SYT1: variants seen among roughly 807,000 people sequenced by gnomAD.
The protein encoded by SYT1 is synaptotagmin 1, also known as synaptotagmin-1.
A neutral mutation model predicts 44.8 loss-of-function variants in SYT1; 8 were observed. The observed-to-expected ratio is 0.18, with a 90% confidence interval of 0.10 to 0.32. The LOEUF (loss-of-function observed/expected upper bound fraction) is 0.32. Among genes scored for constraint, SYT1 ranks in the 10% least tolerant of loss-of-function variants. The pLI is 1.00. For missense variants in SYT1, 286 were observed against 509.3 expected, an observed-to-expected ratio of 0.56 and a Z score of 4.22; for synonymous variants, 154 against 188.8, an observed-to-expected ratio of 0.82 and a Z score of 1.51.
chr12:79,423,791 A>G (rs1869264445), intron 9 of SYT1, among the ~76,000 whole-genome samples: 1 of 151,836 alleles, frequency 6.6e-6, no homozygotes, highest in South Asian at 2.1e-4. Flanking sequence ...TCTCCTAAAT[A>G]TGCCGAACAC....
chr12:79,413,807 G>A (rs1351852790), intron 9 of SYT1, among the ~76,000 whole-genome samples: 13 of 152,002 alleles, frequency 8.6e-5, no homozygotes, highest in Admixed American at 8.5e-4. Context: ...CAAAACTTCA[G>A]GTAATTGCAT....
intron 3 of SYT1, among the ~76,000 whole-genome samples, chr12:79,154,152 C>T (rs1689641841): frequency 6.6e-6 from 1 of 152,050 alleles, no homozygotes; most frequent in Admixed American, 6.6e-5. Context: ...GGTTAAATTT[C>T]TGTGGTGTAT....
chr12:79,430,994 G>C (rs1207899824), intron 9 of SYT1, among the ~76,000 whole-genome samples: 5 of 152,204 alleles, frequency 3.3e-5, no homozygotes, highest in Non-Finnish European at 7.3e-5. Flanking sequence ...GTGAATAAAT[G>C]AATGAATGAA....
Position 79,337,330 on chromosome 12 carries a change from A to T in SYT1, c.811-16172A>T, listed in dbSNP as rs569373110. Among the ~76,000 whole-genome samples, 30 of 152,264 alleles carry T rather than the reference A, an allele frequency of 2.0e-4. No individual in the cohort carries two copies. The South Asian group carries it at 5.8e-3, about 29-fold the overall frequency. The stretch of plus-strand genomic sequence containing the variant: ...AGGAAAACTTTCCTTGGGTAATGAC[A>T]TCTCCAAATTGCGTGGCCATTCCTA... On this transcript the variant is annotated intron_variant, in intron 8 of 10. Coordinates refer to ENST00000261205, the MANE Select transcript of SYT1 (RefSeq NM_005639.3).
At chr12:79,389,374 C>T (rs1456213982) in intron 9 of SYT1, among the ~76,000 whole-genome samples, 1 of 152,064 alleles carries the variant, frequency 6.6e-6, no homozygotes, top group African/African-American at 2.4e-5. Flanking sequence ...AAATAATACA[C>T]CCAAAGAAAT....
At chr12:79,059,391 T>C (rs1334109296) in intron 3 of SYT1, among the ~76,000 whole-genome samples, 1 of 152,052 alleles carries the variant, frequency 6.6e-6, no homozygotes, top group Non-Finnish European at 1.5e-5. Flanking sequence ...TATAATATTG[T>C]TTACCTATAT....
chr12:78,869,637 G>A (rs1314246790), intron 1 of SYT1, among the ~76,000 whole-genome samples: 2 of 151,892 alleles, frequency 1.3e-5, no homozygotes, highest in African/African-American at 4.8e-5. Context: ...ATTTAAGAGA[G>A]TTTCAAAAGA....
intron 3 of SYT1, among the ~76,000 whole-genome samples, chr12:79,055,233 G>T (rs983529899): frequency 7.2e-5 from 11 of 151,896 alleles, no homozygotes; most frequent in African/African-American, 2.7e-4. Context: ...TTAGTTGATA[G>T]AATTCAGTTC....
chr12:78,953,895 T>A (rs1446194007), intron 1 of SYT1, among the ~76,000 whole-genome samples: 1 of 151,994 alleles, frequency 6.6e-6, no homozygotes, highest in East Asian at 1.9e-4. Context: ...TTTAAAACTA[T>A]CCAAATATTT....
chr12:79,282,486 A>G (rs774426296), intron 4 of SYT1, among the ~76,000 whole-genome samples: 32 of 152,204 alleles, frequency 2.1e-4, no homozygotes, highest in Non-Finnish European at 3.4e-4. Context: ...AATTGTTATT[A>G]TAAACTTCCA....
At chr12:79,198,708 GT>G (rs1481030651) in intron 3 of SYT1, among the ~76,000 whole-genome samples, 1 of 152,160 alleles carries the variant, frequency 6.6e-6, no homozygotes, top group Non-Finnish European at 1.5e-5. Flanking sequence ...TGTCAGGGGA[GT>G]AGAGATGGAG....
chr12:79,047,068 A>G (rs916683122), intron 2 of SYT1, among the ~76,000 whole-genome samples: 3 of 151,912 alleles, frequency 2.0e-5, no homozygotes, highest in Non-Finnish European at 3.0e-5. Flanking sequence ...TAAAATCAGT[A>G]TATAAACTAT....
chr12:78,952,127 T>C (rs1157267329), intron 1 of SYT1, among the ~76,000 whole-genome samples: 4 of 152,110 alleles, frequency 2.6e-5, no homozygotes, highest in Non-Finnish European at 5.9e-5. Flanking sequence ...TCTGTAACAT[T>C]GCCTGGCACG....
intron 3 of SYT1, among the ~76,000 whole-genome samples, chr12:79,064,932 GAAAGAAAGAA>G (rs1875673083): frequency 5.5e-5 from 4 of 73,060 alleles, no homozygotes; most frequent in African/African-American, 2.3e-4. Context: ...TAGAGAGAAA[GAAAGAAAGAA>G]AGAAAGAAAG....
intron 3 of SYT1, among the ~76,000 whole-genome samples, chr12:79,183,529 G>A (rs1320680973): frequency 6.6e-6 from 1 of 151,950 alleles, no homozygotes; most frequent in Non-Finnish European, 1.5e-5. Flanking sequence ...GAATTATGTA[G>A]TCCAAAATGT....
chr12:79,296,282 TA>T (rs765258139), intron 7 of SYT1, 46 bp downstream of exon 7: 2 of 1,567,822 alleles, frequency 1.3e-6, no homozygotes, highest in East Asian at 4.5e-5. Flanking sequence ...TTGTTTTACT[TA>T]AAAGACTGAT....
chr12:79,008,773 G>A (rs1364984965), intron 2 of SYT1, among the ~76,000 whole-genome samples: 1 of 152,014 alleles, frequency 6.6e-6, no homozygotes, highest in South Asian at 2.1e-4. Context: ...CCTGCTTTTT[G>A]CTAGCCTTGT....
chr12:79,103,431 G>GT (rs1466904404), intron 3 of SYT1, among the ~76,000 whole-genome samples: 1 of 151,774 alleles, frequency 6.6e-6, no homozygotes, highest in Non-Finnish European at 1.5e-5. Flanking sequence ...CATGTTAAAT[G>GT]TTTTTTTCAA....
At chr12:79,267,460 G>C (rs1436071395) in intron 4 of SYT1, among the ~76,000 whole-genome samples, 4 of 152,136 alleles carry the variant, frequency 2.6e-5, no homozygotes, top group African/African-American at 9.7e-5. Context: ...TCCAAGAGCT[G>C]CCTATTGTGA....
Sources: gnomAD v4.1 joint callset for allele counts (sites outside exome capture counted in the v4.1 genomes callset) on GRCh38, gnomAD v4.1.1 for gene constraint, MANE v1.5 for transcripts, NCBI Gene and HGNC (gene_info 2026-07-23, HGNC 2026-07-21) for gene names.